Variants in SGCD observed in about 807,000 individuals in gnomAD.
SGCD encodes the protein delta-sarcoglycan.
SGCD carries 18 observed loss-of-function variants against 36.6 expected under a neutral mutation model. The observed-to-expected ratio is 0.49, with a 90% CI of 0.34 to 0.73. SGCD has a LOEUF of 0.73. Ranked by LOEUF, SGCD falls within the 30% of genes least tolerant of loss-of-function variation. The pLI, the probability that SGCD is intolerant of heterozygous loss-of-function variation, is 0.01. For missense variants in SGCD, 387 were observed against 346.7 expected (o/e 1.12, Z -0.92); for synonymous variants, 133 against 130.6 (o/e 1.02, Z -0.12).
At chr5:156,144,509 T>C (rs1762664884) in intron 3 of SGCD, among the ~76,000 whole-genome samples, 1 of 152,238 alleles carries the variant, frequency 6.6e-6, no homozygotes, top group African/African-American at 2.4e-5. Context: ...CATTTTTTCA[T>C]GTGTCTTTTG....
intron 3 of SGCD, among the ~76,000 whole-genome samples, chr5:156,386,608 C>A (rs1224507719): frequency 6.6e-6 from 1 of 152,220 alleles, no homozygotes; most frequent in Non-Finnish European, 1.5e-5. Context: ...GCGATGCCGC[C>A]ATATATCTTA....
chr5:156,380,100 G>A lies in SGCD; in HGVS notation c.192+35423G>A, dbSNP rs1290543890. Among the ~76,000 whole-genome samples the A allele has an allele frequency of 3.3e-5, 5 of 152,102 alleles. No homozygotes were observed. In the East Asian group the frequency reaches 7.7e-4, roughly 23 times the overall value. ...TGGGTGTTTCCTAGAGTTCTTGGTG[G>A]TTGAGTCTTGAACCCTACCCTTTAA... is the stretch of plus-strand genomic sequence containing the variant. On this transcript the variant is annotated intron_variant, in intron 3 of 8. Coordinates refer to ENST00000337851, the MANE Select transcript of SGCD (RefSeq NM_000337.6).
intron 1 of SGCD, among the ~76,000 whole-genome samples, chr5:156,005,546 G>C (rs1043827835): frequency 6.6e-6 from 1 of 152,060 alleles, no homozygotes; most frequent in Non-Finnish European, 1.5e-5. Context: ...CACCTCCCGG[G>C]TTCACGCCAT....
intron 3 of SGCD, among the ~76,000 whole-genome samples, chr5:156,440,142 T>G (rs4705015): frequency 1.3e-5 from 2 of 151,926 alleles, no homozygotes; most frequent in Non-Finnish European, 2.9e-5. Context: ...CAATCTCCCC[T>G]TCCCTGTAGT....
intron 7 of SGCD, among the ~76,000 whole-genome samples, chr5:156,728,497 C>A (rs576464857): frequency 1.8e-4 from 17 of 96,922 alleles, no homozygotes; most frequent in Non-Finnish European, 1.8e-5. Context: ...GGTGACAGAG[C>A]GAGACTCTGT....
chr5:155,776,129 C>T, the SGCD span, among the ~76,000 whole-genome samples: 1 of 152,090 alleles, frequency 6.6e-6, no homozygotes, highest in Non-Finnish European at 1.5e-5. Flanking sequence ...CACAGATTAT[C>T]CTACTTGATT....
intron 1 of SGCD, among the ~76,000 whole-genome samples, chr5:156,100,491 T>G (rs1761495284): frequency 6.6e-6 from 1 of 152,168 alleles, no homozygotes; most frequent in Admixed American, 6.5e-5. Context: ...TAGCATATGG[T>G]GGGTGGCACT....
chr5:155,778,367 G>A, the SGCD span, among the ~76,000 whole-genome samples: 4,484 of 152,166 alleles, frequency 0.029, 208 homozygotes, highest in African/African-American at 0.1. Flanking sequence ...TATATCGACT[G>A]CATTACCACA....
the SGCD span, among the ~76,000 whole-genome samples, chr5:155,749,173 C>A: frequency 6.6e-6 from 1 of 152,138 alleles, no homozygotes. Flanking sequence ...GTCCTTGTTA[C>A]TCCTTAAGAG....
chr5:156,207,089 C>T (rs927882900), intron 3 of SGCD, among the ~76,000 whole-genome samples: 1 of 152,034 alleles, frequency 6.6e-6, no homozygotes, highest in African/African-American at 2.4e-5. Flanking sequence ...TGATTTAGAT[C>T]AGAGAAACAC....
chr5:156,110,504 GA>G (rs1357144989), intron 1 of SGCD, among the ~76,000 whole-genome samples: 1 of 151,574 alleles, frequency 6.6e-6, no homozygotes, highest in East Asian at 1.9e-4. Context: ...CTCTCCTCCT[GA>G]CACACTTTCT....
chr5:156,495,101 C>T (rs897402750), intron 3 of SGCD, among the ~76,000 whole-genome samples: 1 of 152,068 alleles, frequency 6.6e-6, no homozygotes, highest in Non-Finnish European at 1.5e-5. Context: ...CATGCGGTAT[C>T]CACTGTTCTG....
At position 156,177,320 on chromosome 5, in the gene SGCD, AT is replaced by A. The variant is rs1763498883; in HGVS notation, c.-44+53306del. ...TGGCCCAATTTTGTATTTTTAAAAA[AT>A]TTTTCTGGTGAGCCTTGTGTGCTGG... is the stretch of plus-strand genomic sequence containing the variant. On this transcript the variant is annotated intron_variant, in intron 3 of 9. Coordinates refer to the SGCD transcript ENST00000517913. Among the ~76,000 whole-genome samples the A allele has an allele frequency of 2.0e-5, 3 of 151,868 alleles. No individual in the cohort carries two copies. In the South Asian group the frequency reaches 6.2e-4, roughly 32 times the overall value.
intron 1 of SGCD, among the ~76,000 whole-genome samples, chr5:156,041,731 T>C (rs1432548146): frequency 1.3e-5 from 2 of 152,124 alleles, no homozygotes; most frequent in East Asian, 3.9e-4. Context: ...TGCAAAAAGG[T>C]TTCCTGTAAG....
intron 4 of SGCD, among the ~76,000 whole-genome samples, chr5:156,583,472 G>A (rs1171598893): frequency 6.6e-6 from 1 of 152,094 alleles, no homozygotes; most frequent in Non-Finnish European, 1.5e-5. Context: ...CTCCAGTTCA[G>A]GTTGCTATTG....
At chr5:156,588,332 A>G (rs909802682) in intron 4 of SGCD, among the ~76,000 whole-genome samples, 3 of 152,158 alleles carry the variant, frequency 2.0e-5, no homozygotes, top group Non-Finnish European at 4.4e-5. Context: ...AATTTTAAAT[A>G]TAAAATTAAA....
At chr5:156,183,589 G>T (rs1029773157) in intron 3 of SGCD, among the ~76,000 whole-genome samples, 6 of 152,086 alleles carry the variant, frequency 3.9e-5, no homozygotes, top group Non-Finnish European at 4.4e-5. Context: ...TGTATTTTTA[G>T]TAGAGACGAG....
chr5:156,187,489 T>C (rs1763790332), intron 3 of SGCD, among the ~76,000 whole-genome samples: 1 of 140,604 alleles, frequency 7.1e-6, no homozygotes, highest in South Asian at 2.4e-4. Context: ...TCTAGAGGCT[T>C]CTGGATTTGA....
intron 6 of SGCD, among the ~76,000 whole-genome samples, chr5:156,612,171 G>T (rs186583572): frequency 1.9e-4 from 29 of 152,218 alleles, no homozygotes; most frequent in Non-Finnish European, 3.1e-4. Context: ...GTTGATATTT[G>T]TGCATCTAGT....
Sources: allele counts gnomAD v4.1 joint callset (sites outside exome capture counted in the v4.1 genomes callset), GRCh38; gene constraint gnomAD v4.1.1; transcripts MANE v1.5; gene names NCBI Gene and HGNC (gene_info 2026-07-23, HGNC 2026-07-21).